Variants in SH3GL2 observed in about 807,000 individuals in gnomAD.
The protein encoded by SH3GL2 is SH3 domain containing GRB2 like 2, endophilin A1, also known as endophilin-A1.
SH3GL2 carries 24 observed loss-of-function variants against 46.0 expected under a neutral mutation model. That is an observed-to-expected ratio of 0.52 (90% CI 0.38 to 0.73). The LOEUF (loss-of-function observed/expected upper bound fraction) is 0.73, where lower values mean the gene tolerates loss of function less well. SH3GL2 is among the 30% of genes least tolerant of loss of function. The pLI, the probability that SH3GL2 is intolerant of heterozygous loss-of-function variation, is 0.00. For synonymous variants in SH3GL2, 196 were observed against 147.1 expected (o/e 1.33, Z -2.40); for missense variants, 413 against 424.2 (o/e 0.97, Z 0.23).
At chr9:17,673,109 C>G (rs1293591101) in intron 1 of SH3GL2, among the ~76,000 whole-genome samples, 2 of 151,886 alleles carry the variant, frequency 1.3e-5, no homozygotes, top group East Asian at 3.9e-4. Flanking sequence ...TAAATCTTCC[C>G]TCTCTTCTAC....
intron 2 of SH3GL2, among the ~76,000 whole-genome samples, chr9:17,752,612 C>T (rs542280512): frequency 6.6e-6 from 1 of 152,208 alleles, no homozygotes; most frequent in Non-Finnish European, 1.5e-5. Flanking sequence ...ATTCTCCTGC[C>T]TCAGCCTCTC....
chr9:17,783,893 T>C (rs1449225389), intron 3 of SH3GL2, among the ~76,000 whole-genome samples: 1 of 152,150 alleles, frequency 6.6e-6, no homozygotes, highest in African/African-American at 2.4e-5. Flanking sequence ...GAGTATATAA[T>C]AGGAATTTGA....
chr9:17,729,866 T>A (rs1433810877), intron 1 of SH3GL2, among the ~76,000 whole-genome samples: 2 of 152,198 alleles, frequency 1.3e-5, no homozygotes, highest in Non-Finnish European at 2.9e-5. Context: ...ACGGTAGCCT[T>A]GTACTATAGT....
intron 2 of SH3GL2, among the ~76,000 whole-genome samples, chr9:17,756,853 G>A (rs1823008151): frequency 6.6e-6 from 1 of 152,060 alleles, no homozygotes; most frequent in Non-Finnish European, 1.5e-5. Context: ...TAATGGGATG[G>A]CTGGGTCAAA....
chr9:17,611,316 A>G (rs1006061508), intron 1 of SH3GL2, among the ~76,000 whole-genome samples: 1 of 152,082 alleles, frequency 6.6e-6, no homozygotes, highest in African/African-American at 2.4e-5. Flanking sequence ...CATATAGGAC[A>G]TTTTGGTTTC....
At chr9:17,713,818 C>T (rs146169851) in intron 1 of SH3GL2, among the ~76,000 whole-genome samples, 246 of 151,656 alleles carry the variant, frequency 1.6e-3, no homozygotes, top group Middle Eastern at 0.01. Flanking sequence ...GTCTTGTATA[C>T]GTTTCATGTA....
intron 1 of SH3GL2, among the ~76,000 whole-genome samples, chr9:17,651,247 A>C (rs1204029789): frequency 2.6e-5 from 4 of 152,120 alleles, no homozygotes; most frequent in Non-Finnish European, 4.4e-5. Context: ...GCTTCCTCAA[A>C]TTCCTGATGG....
At chr9:17,793,849 G>A (rs1317634857) in intron 8 of SH3GL2, among the ~76,000 whole-genome samples, 3 of 152,214 alleles carry the variant, frequency 2.0e-5, no homozygotes, top group Non-Finnish European at 4.4e-5. Flanking sequence ...TCTCCTGCGT[G>A]TTCGCTCTGA....
At chr9:17,604,522 G>A (rs1818730011) in intron 1 of SH3GL2, among the ~76,000 whole-genome samples, 1 of 152,186 alleles carries the variant, frequency 6.6e-6, no homozygotes, top group South Asian at 2.1e-4. Flanking sequence ...AGAGGTTTGG[G>A]ATTGAGGCTC....
At chr9:17,664,025 TGTG>T (rs979244615) in intron 1 of SH3GL2, among the ~76,000 whole-genome samples, 3 of 152,030 alleles carry the variant, frequency 2.0e-5, no homozygotes, top group South Asian at 2.1e-4. Flanking sequence ...AACGTAAAAA[TGTG>T]GTGGTGGTAG....
chr9:17,668,676 A>G (rs1302089717), intron 1 of SH3GL2, among the ~76,000 whole-genome samples: 3 of 145,022 alleles, frequency 2.1e-5, no homozygotes, highest in African/African-American at 7.4e-5. Context: ...ATTACTTTAG[A>G]AGCAGGGTCT....
At chr9:17,716,667 A>T (rs77718706) in intron 1 of SH3GL2, among the ~76,000 whole-genome samples, 2,692 of 152,182 alleles carry the variant, frequency 0.018, 67 homozygotes, top group African/African-American at 0.061. Context: ...CATTTTATAG[A>T]TATCTTGGGT....
chr9:17,735,306 G>A (rs755104762), intron 1 of SH3GL2, among the ~76,000 whole-genome samples: 3 of 152,066 alleles, frequency 2.0e-5, no homozygotes, highest in Non-Finnish European at 2.9e-5. Flanking sequence ...TCCTGCAATA[G>A]GACTTAGCAC....
chr9:17,715,988 G>T (rs1253376350), intron 1 of SH3GL2, among the ~76,000 whole-genome samples: 1 of 152,000 alleles, frequency 6.6e-6, no homozygotes, highest in African/African-American at 2.4e-5. Flanking sequence ...TGTACTGAAT[G>T]TGTATCACCT....
intron 1 of SH3GL2, among the ~76,000 whole-genome samples, chr9:17,676,086 C>G (rs1339745261): frequency 1.3e-5 from 2 of 152,154 alleles, no homozygotes; most frequent in African/African-American, 4.8e-5. Flanking sequence ...AAAGATTTGG[C>G]TAGAAGAAGG....
chr9:17,711,083 A>C (rs58809300), intron 1 of SH3GL2, among the ~76,000 whole-genome samples: 14,574 of 151,874 alleles, frequency 0.096, 2,320 homozygotes, highest in African/African-American at 0.33. Flanking sequence ...GTGTCTATTT[A>C]ATAAAATGAC....
chr9:17,644,179 A>G (rs1176007717), intron 1 of SH3GL2, among the ~76,000 whole-genome samples: 1 of 152,108 alleles, frequency 6.6e-6, no homozygotes, highest in East Asian at 1.9e-4. Flanking sequence ...CAGTGGTGGT[A>G]TCCCCTTTAT....
intron 1 of SH3GL2, among the ~76,000 whole-genome samples, chr9:17,652,400 A>G (rs1477031986): frequency 6.6e-6 from 1 of 151,542 alleles, no homozygotes; most frequent in Non-Finnish European, 1.5e-5. Flanking sequence ...TATTGTTTCT[A>G]CCTTTATTAT....
chr9:17,787,569 GCC>G, intron 5 of SH3GL2, 56 bp downstream of exon 5: 1 of 1,459,584 alleles, frequency 6.9e-7, no homozygotes, highest in Non-Finnish European at 9.5e-7. Context: ...AGATGCAGAT[GCC>G]TTTTTTCTTT....
Sources: gnomAD v4.1 joint callset for allele counts (sites outside exome capture counted in the v4.1 genomes callset) on GRCh38, gnomAD v4.1.1 for gene constraint, MANE v1.5 for transcripts, NCBI Gene and HGNC (gene_info 2026-07-23, HGNC 2026-07-21) for gene names.